FAAP20: variants seen among roughly 807,000 people sequenced by gnomAD.
FAAP20 encodes FA core complex associated protein 20.
Under a neutral mutation model 16.2 loss-of-function variants are expected in FAAP20, and 12 were observed. The observed-to-expected ratio is 0.74, with a 90% CI of 0.48 to 1.20. The LOEUF is 1.20. Ranked by LOEUF, FAAP20 falls within the 50% of genes most tolerant of loss-of-function variation. The pLI, the probability that FAAP20 is intolerant of heterozygous loss-of-function variation, is 0.00. For missense variants in FAAP20, 288 were observed against 245.8 expected (o/e 1.17, Z -1.15); for synonymous variants, 141 against 110.7 (o/e 1.27, Z -1.72).
upstream of FAAP20, among the ~76,000 whole-genome samples, chr1:2,202,831 C>T (rs531617236): frequency 3.7e-4 from 56 of 152,242 alleles, no homozygotes; most frequent in South Asian, 6.2e-4. Context: ...CCAGGCTGGT[C>T]TCGTCAAACT....
At chr1:2,193,338 T>TG (rs1688463679) in intron 3 of FAAP20, 1 of 525,828 alleles carries the variant, frequency 1.9e-6, no homozygotes, top group African/African-American at 1.9e-5. Flanking sequence ...CTGGGGACGC[T>TG]GGTGCCACCA....
upstream of FAAP20, chr1:2,200,553 C>A: frequency 2.3e-6 from 2 of 880,254 alleles, no homozygotes; most frequent in Non-Finnish European, 2.7e-6. Context: ...CGGAGCTCCA[C>A]CCTCCCAACC....
chr1:2,186,357 G>GTC (rs1687588240), downstream of FAAP20: 1 of 183,914 alleles, frequency 5.4e-6, no homozygotes, highest in Non-Finnish European at 1.2e-5. Context: ...ACACACTCAG[G>GTC]TTTCTCAGGG....
At chr1:2,201,024 C>T (rs1310963800), upstream of FAAP20, 1 of 1,283,226 alleles carries the variant, frequency 7.8e-7, no homozygotes, top group South Asian at 1.2e-5. Flanking sequence ...CTGCCTGGTC[C>T]CTGCACCTTC....
upstream of FAAP20, chr1:2,200,922 G>C (rs561671106): frequency 4.4e-6 from 5 of 1,133,688 alleles, no homozygotes; most frequent in Non-Finnish European, 5.5e-6. Flanking sequence ...CTGGCTTCTC[G>C]GCTCTGTAGA....
chr1:2,195,152 T>A (rs2100707770), upstream of FAAP20, among the ~76,000 whole-genome samples: 1 of 151,360 alleles, frequency 6.6e-6, no homozygotes, highest in East Asian at 1.9e-4. Context: ...ATTCCAGGAG[T>A]AAATAAAGCT....
At chr1:2,194,629 C>A (rs1333337040) in intron 1 of FAAP20, 59 bp downstream of exon 1, 1 of 991,836 alleles carries the variant, frequency 1.0e-6, no homozygotes, top group South Asian at 4.8e-5. Context: ...CGCGGGGGCG[C>A]CGGGAAGCAC....
chr1:2,193,296 C>A (rs1031373665), intron 3 of FAAP20: 33 of 485,788 alleles, frequency 6.8e-5, no homozygotes, highest in African/African-American at 6.2e-4. Context: ...ACCCATGACG[C>A]ACTCTCGGGA....
chr1:2,193,354 C>T, intron 3 of FAAP20: 1 of 537,750 alleles, frequency 1.9e-6, no homozygotes, highest in African/African-American at 1.9e-5. Context: ...CACCAGATTC[C>T]AGGATGGCCA....
downstream of FAAP20, chr1:2,187,091 G>A: frequency 4.5e-6 from 2 of 445,716 alleles, no homozygotes; most frequent in East Asian, 7.2e-5. Flanking sequence ...CAGTGGGCCT[G>A]CGTGGGCGTG....
downstream of FAAP20, among the ~76,000 whole-genome samples, chr1:2,189,354 AACCGTGAC>A (rs1687899924): frequency 6.6e-6 from 1 of 151,976 alleles, no homozygotes; most frequent in African/African-American, 2.4e-5. Context: ...ACAAAAAAAA[AACCGTGAC>A]TGCACATGAG....
At chr1:2,192,763 G>T in intron 3 of FAAP20, 1 of 1,089,000 alleles carries the variant, frequency 9.2e-7, no homozygotes, top group Non-Finnish European at 1.2e-6. Context: ...ACAGGCACGC[G>T]CCACCACGCC....
upstream of FAAP20, among the ~76,000 whole-genome samples, chr1:2,194,972 G>T (rs567428402): frequency 3.3e-5 from 5 of 152,088 alleles, no homozygotes; most frequent in South Asian, 6.2e-4. Flanking sequence ...GGGCCCAGGT[G>T]GGGGAGCCCC....
At chr1:2,199,391 CCCCAGCCCAGCCCAGCCCAG>C (rs909082705), upstream of FAAP20, 104 of 1,024,634 alleles carry the variant, frequency 1.0e-4, no homozygotes, top group Non-Finnish European at 1.1e-4. The surrounding 1 kb of genome is among the most constrained non-coding windows in gnomAD (Gnocchi z 4.5). Context: ...GGAGAAGCTT[CCCCAGCCCAGCCCAGCCCAG>C]CCCAGCCCAG....
At chr1:2,212,696 T>G, upstream of FAAP20, 1 of 288,124 alleles carries the variant, frequency 3.5e-6, no homozygotes, top group Non-Finnish European at 6.9e-6. Flanking sequence ...AACGCGAGTC[T>G]CTGAAAAGCG....
chr1:2,193,467 C>T (rs1479815070), intron 3 of FAAP20, 172 bp downstream of exon 3: 11 of 1,058,488 alleles, frequency 1.0e-5, no homozygotes, highest in Admixed American at 3.1e-5. Flanking sequence ...ACCCCAGACC[C>T]GTGACAGAGA....
At chr1:2,186,353 T>A (rs558380957), downstream of FAAP20, 33 of 185,700 alleles carry the variant, frequency 1.8e-4, no homozygotes, top group African/African-American at 9.5e-5. Flanking sequence ...CCCTACACAC[T>A]CAGGTTTCTC....
At chr1:2,204,716 G>A (rs577527025), upstream of FAAP20, among the ~76,000 whole-genome samples, 319 of 152,252 alleles carry the variant, frequency 2.1e-3, 1 homozygote, top group South Asian at 6.8e-3. Context: ...TGCTAAACTG[G>A]CTACGACCCC....
Position 2,193,885 on chromosome 1 carries a change from G to C in FAAP20, c.224C>G (p.Thr75Ser). The change falls in exon 3 of 4, where the codon ACT (threonine) becomes AGT (serine). Residue 75 changes from threonine to serine, a missense_variant. By Grantham distance (58) the Thr-to-Ser change is moderately conservative. Transcript: ENST00000378546. ...CTTGGGTCCGACAGTGAAGACTTCA[G>C]TGGGCTCCGGGCCGCACCTGGGCTC... ...GQEPRCGPEP[T>S]EVFTVGPKTF... 1.9e-6 allele frequency: 3 copies of C among 1,612,454 alleles called. No individual in the cohort carries two copies. Among genetic ancestry groups the C allele is most frequent in the Non-Finnish European group, 2.5e-6 (3 of 1,179,826 alleles).
Sources: gnomAD v4.1 joint callset for allele counts (sites outside exome capture counted in the v4.1 genomes callset) on GRCh38, gnomAD v4.1.1 for gene constraint, Gnocchi (gnomAD v3.1) non-coding constraint, MANE v1.5 for transcripts, NCBI Gene and HGNC (gene_info 2026-07-23, HGNC 2026-07-21) for gene names.